Variants in AMPH observed in about 807,000 individuals in gnomAD.
AMPH encodes the protein amphiphysin (Stiff-Mann syndrome with breast cancer 128kD autoantigen).
A neutral mutation model predicts 99.1 loss-of-function variants in AMPH; 49 were observed. The ratio of observed to expected loss-of-function variants is 0.49; its 90% CI spans 0.39 to 0.63. AMPH has a LOEUF of 0.63. Ranked by LOEUF, AMPH falls within the 20% of genes least tolerant of loss-of-function variation. AMPH has a pLI of 0.00. For missense variants in AMPH, 759 were observed against 863.4 expected, an observed-to-expected ratio of 0.88 and a Z score of 1.52; for synonymous variants, 314 against 317.3, an observed-to-expected ratio of 0.99 and a Z score of 0.11.
chr7:38,416,102 AATATATAT>A lies in AMPH; in HGVS notation c.1398+1715_1398+1722del, dbSNP rs5883648. ...AGTTTAAACAATGATCAAACATATG[AATATATAT>A]ATATATATATATATATTAGCTATTA... On this transcript the variant is annotated intron_variant, in intron 17 of 20. Transcript: ENST00000356264. Among the ~76,000 whole-genome samples, 5 of 100,508 alleles carry A rather than the reference AATATATAT, an allele frequency of 5.0e-5. 1 individual carries two copies. Among genetic ancestry groups the A allele is most frequent in the East Asian group, 2.7e-4 (1 of 3,706 alleles). 65.9% of individuals were successfully genotyped at this position (100,508 alleles called of 152,430 possible).
intron 17 of AMPH, among the ~76,000 whole-genome samples, chr7:38,406,713 CCTCTCTCTCTCCCTTTCCCT>C (rs1784995949): frequency 9.0e-6 from 1 of 111,036 alleles, no homozygotes; most frequent in Admixed American, 1.0e-4. Context: ...TCTCTCCTCT[CCTCTCTCTCTCCCTTTCCCT>C]CTCTCTCTCT....
Position 38,417,865 on chromosome 7 carries a change from C to T in AMPH, c.1358G>A (p.Gly453Glu), listed in dbSNP as rs140860940. ...AVTPAVGLDL[G>E]MDTRAEEPVE... ...TGGCTCCTCAGCCCGAGTGTCCATT[C>T]CAAGGTCCAGACCAACGGCAGGTGT... The change falls in exon 17 of 21, where the codon GGA (glycine) becomes GAA (glutamate). Residue 453 changes from glycine to glutamate, a missense_variant. By Grantham distance (98) the Gly-to-Glu change is moderately conservative. Transcript: ENST00000356264. 1.2e-6 allele frequency: 2 copies of T among 1,614,140 alleles called. No homozygotes were observed. Among genetic ancestry groups the T allele is most frequent in the Non-Finnish European group, 1.7e-6 (2 of 1,180,000 alleles).
chr7:38,471,681 G>A (rs1205237183), intron 7 of AMPH, among the ~76,000 whole-genome samples: 1 of 152,036 alleles, frequency 6.6e-6, no homozygotes, highest in African/African-American at 2.4e-5. Context: ...GGCAGAGGCT[G>A]GCAGAATGGA....
intron 1 of AMPH, among the ~76,000 whole-genome samples, chr7:38,619,349 G>C (rs1314011994): frequency 6.6e-6 from 1 of 152,178 alleles, no homozygotes; most frequent in Admixed American, 6.5e-5. Flanking sequence ...CTATGAAGTA[G>C]ACGTAACAAA....
At chr7:38,532,637 AC>A (rs1384862205) in intron 2 of AMPH, among the ~76,000 whole-genome samples, 1 of 152,184 alleles carries the variant, frequency 6.6e-6, no homozygotes, top group Admixed American at 6.5e-5. Flanking sequence ...TGCTAGTGGC[AC>A]AAATCATTCT....
intron 1 of AMPH, among the ~76,000 whole-genome samples, chr7:38,629,800 T>C (rs1794389612): frequency 6.6e-6 from 1 of 152,182 alleles, no homozygotes; most frequent in African/African-American, 2.4e-5. Context: ...CCCTGGCTAC[T>C]TTCTGCACAA....
intron 2 of AMPH, among the ~76,000 whole-genome samples, chr7:38,507,209 T>A (rs981299437): frequency 1.1e-4 from 17 of 152,172 alleles, no homozygotes; most frequent in Non-Finnish European, 2.1e-4. Context: ...AGTTTTTTTT[T>A]AAATGAAATA....
At position 38,506,579 on chromosome 7, in the gene AMPH, G is replaced by C. The variant is rs1789332490; in HGVS notation, c.151-2875C>G. On this transcript the variant is annotated intron_variant, in intron 2 of 20. Coordinates refer to ENST00000356264, the MANE Select transcript of AMPH (RefSeq NM_001635.4). ...ATCTAAAGCCTAAAAGCCCTAAAAG[G>C]TACAATTAGGAGGGCTTGAATCCAT... Among the ~76,000 whole-genome samples the C allele has an allele frequency of 5.3e-5, 8 of 152,196 alleles. No homozygotes were observed. In the South Asian group the frequency reaches 1.4e-3, roughly 28 times the overall value.
chr7:38,533,486 T>C (rs1790488711), intron 2 of AMPH, among the ~76,000 whole-genome samples: 1 of 152,166 alleles, frequency 6.6e-6, no homozygotes, highest in Non-Finnish European at 1.5e-5. Context: ...TTGGCAAAAC[T>C]GATCTACCTG....
At chr7:38,556,767 G>A (rs1055576984) in intron 1 of AMPH, among the ~76,000 whole-genome samples, 5 of 152,088 alleles carry the variant, frequency 3.3e-5, no homozygotes, top group Non-Finnish European at 5.9e-5. Flanking sequence ...TGAGGGAAAG[G>A]GCTTTGTCTG....
Position 38,461,327 on chromosome 7 carries a change from C to T in AMPH, c.973G>A (p.Glu325Lys), listed in dbSNP as rs202128772. The T allele has an allele frequency of 5.8e-5, 94 of 1,614,120 alleles. No homozygotes were observed. In the African/African-American group the frequency reaches 1.2e-3, roughly 20 times the overall value. ...CTGATTTCTGGAACAAAGTTGTCCT[C>T]AAAGAAACTGATGATGTTCTCCTGC... Reference protein sequence around the residue: ...LQQENIISFFEDNFVPEISVT... With the variant: ...LQQENIISFFKDNFVPEISVT... The change falls in exon 11 of 21, where the codon GAG (glutamate) becomes AAG (lysine). Residue 325 changes from glutamate (E) to lysine (K), a missense_variant. Physicochemically the swap from Glu to Lys is moderately conservative, Grantham distance 56 (BLOSUM62 1). Transcript: ENST00000356264.
intron 1 of AMPH, among the ~76,000 whole-genome samples, chr7:38,561,600 A>C (rs906581568): frequency 2.0e-5 from 3 of 152,238 alleles, no homozygotes; most frequent in Non-Finnish European, 4.4e-5. Context: ...ATGAAGGAGA[A>C]AGGTGGAACC....
At chr7:38,515,939 T>C (rs1390249164) in intron 2 of AMPH, among the ~76,000 whole-genome samples, 1 of 152,190 alleles carries the variant, frequency 6.6e-6, no homozygotes, top group Non-Finnish European at 1.5e-5. Context: ...ACAGAGATGA[T>C]TTAAGGTATC....
At chr7:38,509,293 T>G (rs1457504547) in intron 2 of AMPH, among the ~76,000 whole-genome samples, 1 of 152,186 alleles carries the variant, frequency 6.6e-6, no homozygotes, top group African/African-American at 2.4e-5. Flanking sequence ...AAGAGAAATG[T>G]CAAAGAGAAC....
intron 11 of AMPH, among the ~76,000 whole-genome samples, chr7:38,439,597 C>T (rs1017211289): frequency 2.6e-5 from 4 of 152,184 alleles, no homozygotes; most frequent in African/African-American, 9.7e-5. Flanking sequence ...ACACCTTCAT[C>T]ACAATTAGAG....
chr7:38,521,974 C>A (rs1200655790), intron 2 of AMPH, among the ~76,000 whole-genome samples: 1 of 152,106 alleles, frequency 6.6e-6, no homozygotes, highest in East Asian at 1.9e-4. Flanking sequence ...AAATCTACCA[C>A]CCTGTGAAAT....
chr7:38,410,834 G>A (rs1785194834), intron 17 of AMPH, among the ~76,000 whole-genome samples: 1 of 152,154 alleles, frequency 6.6e-6, no homozygotes, highest in African/African-American at 2.4e-5. Context: ...CATTATCTCT[G>A]AGAAGCTCAA....
chr7:38,430,161 G>C (rs1265609667), intron 13 of AMPH: 2 of 370,204 alleles, frequency 5.4e-6, no homozygotes, highest in African/African-American at 4.2e-5. Flanking sequence ...GAAATGCTAA[G>C]TTTCAAACAC....
chr7:38,510,781 A>C (rs1307409506), intron 2 of AMPH, among the ~76,000 whole-genome samples: 2 of 152,178 alleles, frequency 1.3e-5, no homozygotes, highest in Non-Finnish European at 2.9e-5. Flanking sequence ...GCTGCCCAAC[A>C]AGAAGCAACT....
Sources: gnomAD v4.1 joint callset for allele counts (sites outside exome capture counted in the v4.1 genomes callset) on GRCh38, gnomAD v4.1.1 for gene constraint, MANE v1.5 for transcripts, NCBI Gene and HGNC (gene_info 2026-07-23, HGNC 2026-07-21) for gene names.